PIGL: variants seen among roughly 807,000 people sequenced by gnomAD.
PIGL encodes the protein phosphatidylinositol glycan anchor biosynthesis class L, also known as N-acetylglucosaminyl-phosphatidylinositol de-N-acetylase.
In PIGL, 22 loss-of-function variants were observed where a neutral mutation model predicts 31.1. The ratio of observed to expected loss-of-function variants is 0.71; its 90% confidence interval spans 0.51 to 1.01. The LOEUF is 1.01. Among genes scored for constraint, PIGL ranks in the 50% least tolerant of loss-of-function variants. The pLI is 0.00. For missense variants in PIGL, 302 were observed against 315.9 expected (o/e 0.96, Z 0.33); for synonymous variants, 131 against 117.4 (o/e 1.12, Z -0.75).
At chr17:16,250,559 C>T (rs891770662) in intron 2 of PIGL, among the ~76,000 whole-genome samples, 6 of 152,024 alleles carry the variant, frequency 3.9e-5, no homozygotes, top group Admixed American at 1.3e-4. Flanking sequence ...CATCTCCTAA[C>T]CCAGAAAAAG....
intron 6 of PIGL, among the ~76,000 whole-genome samples, chr17:16,318,994 C>G (rs2093091003): frequency 6.6e-6 from 1 of 151,360 alleles, no homozygotes; most frequent in African/African-American, 2.4e-5. Context: ...TGGCTCATGC[C>G]TGTAATCCCA....
chr17:16,297,924 G>T (rs958365856), intron 2 of PIGL, among the ~76,000 whole-genome samples: 1 of 152,164 alleles, frequency 6.6e-6, no homozygotes, highest in Non-Finnish European at 1.5e-5. Flanking sequence ...GTGAGTGACG[G>T]GCAAGCAAGC....
intron 4 of PIGL, among the ~76,000 whole-genome samples, chr17:16,314,876 T>C (rs943101092): frequency 6.6e-6 from 1 of 152,164 alleles, no homozygotes; most frequent in Non-Finnish European, 1.5e-5. Context: ...AAGACTAGCA[T>C]GGACAGCAAG....
At chr17:16,294,613 T>C (rs1348527779) in intron 2 of PIGL, among the ~76,000 whole-genome samples, 1 of 152,222 alleles carries the variant, frequency 6.6e-6, no homozygotes, top group African/African-American at 2.4e-5. Context: ...AAAGTATCCA[T>C]TGAACACCTG....
intron 2 of PIGL, among the ~76,000 whole-genome samples, chr17:16,257,891 C>A (rs574938194): frequency 3.3e-5 from 5 of 151,904 alleles, no homozygotes; most frequent in African/African-American, 4.8e-5. Context: ...ATGGTGAAAC[C>A]CCATCTCTAC....
rs948470585 is a variant in PIGL at position 16,326,259 on chromosome 17, A to G, written c.*361A>G. 3 of 201,386 alleles carry G rather than the reference A, an allele frequency of 1.5e-5. No homozygotes were observed. Among genetic ancestry groups the G allele is most frequent in the African/African-American group, 6.9e-5 (3 of 43,358 alleles). The allele number at this position is 201,386 out of a possible 1,614,324, so 12.5% of individuals were successfully genotyped here. On this transcript the variant is annotated 3_prime_UTR_variant, in exon 7 of 7. Transcript: ENST00000225609. ...CATAAAAGTGCTCTAAAAACACTCCACAGATGTGACTTTTACATTGTTTCC... is the reference window on the plus strand; with the variant it reads ...CATAAAAGTGCTCTAAAAACACTCCGCAGATGTGACTTTTACATTGTTTCC...
chr17:16,247,253 T>G (rs940280429), intron 2 of PIGL, among the ~76,000 whole-genome samples: 5 of 152,178 alleles, frequency 3.3e-5, no homozygotes, highest in African/African-American at 1.2e-4. Context: ...TTGAGGACAC[T>G]ATTCAGTTCA....
At chr17:16,233,771 G>C (rs1212342621) in intron 1 of PIGL, among the ~76,000 whole-genome samples, 200 bp from the exon 2 acceptor site, 1 of 152,098 alleles carries the variant, frequency 6.6e-6, no homozygotes, top group East Asian at 1.9e-4. Flanking sequence ...ATTGTGAATG[G>C]TGATTCTAAA....
chr17:16,241,232 A>G (rs1462761513), intron 2 of PIGL, among the ~76,000 whole-genome samples: 1 of 151,788 alleles, frequency 6.6e-6, no homozygotes, highest in Non-Finnish European at 1.5e-5. Context: ...TAGTTTGCAA[A>G]GGAGGAGAAT....
chr17:16,224,948 G>T (rs1447906994), intron 1 of PIGL, among the ~76,000 whole-genome samples: 2 of 152,196 alleles, frequency 1.3e-5, no homozygotes, highest in African/African-American at 4.8e-5. Flanking sequence ...GAGCCACAGT[G>T]CGTGGCCCTT....
At position 16,258,115 on chromosome 17, in the gene PIGL, GAGAGAGAGAA is replaced by G. The variant is rs1347897273; in HGVS notation, c.335+24055_335+24064del. ...AGAGAGAGAGAGAAAGAGAGAGAGA[GAGAGAGAGAA>G]AGAGAGAGAGAGAAAGAGAGAGAGA... On this transcript the variant is annotated intron_variant, in intron 2 of 6. Transcript: ENST00000225609. Among the ~76,000 whole-genome samples the G allele has an allele frequency of 1.9e-4, 25 of 131,668 alleles. 1 individual carries two copies. In the East Asian group the frequency reaches 3.0e-3, roughly 16 times the overall value. 86.4% of individuals were successfully genotyped at this position (131,668 alleles called of 152,430 possible). A position where few individuals can be genotyped will look rare whatever the true frequency, so the allele number is the denominator to read the frequency against.
intron 2 of PIGL, among the ~76,000 whole-genome samples, chr17:16,255,549 G>A (rs144858945): frequency 6.6e-6 from 1 of 152,116 alleles, no homozygotes; most frequent in Non-Finnish European, 1.5e-5. Context: ...CATGCAAATC[G>A]TAACAGGGAA....
chr17:16,274,451 G>A (rs148937700), intron 2 of PIGL, among the ~76,000 whole-genome samples: 19 of 152,224 alleles, frequency 1.2e-4, no homozygotes, highest in African/African-American at 3.9e-4. Flanking sequence ...GGCCGGGTGC[G>A]GTGACTCACA....
intron 2 of PIGL, 89 bp from the exon 3 acceptor site, chr17:16,299,799 T>A (rs2092996637): frequency 2.3e-6 from 2 of 884,908 alleles, no homozygotes; most frequent in African/African-American, 3.3e-5. Context: ...AATGTAACTA[T>A]CATAAAACTG....
At chr17:16,235,377 G>C (rs2092695210) in intron 2 of PIGL, among the ~76,000 whole-genome samples, 1 of 146,884 alleles carries the variant, frequency 6.8e-6, no homozygotes, top group Admixed American at 6.8e-5. Flanking sequence ...GAATTATGTT[G>C]TCATACAGAA....
chr17:16,240,170 C>G (rs1046082411), intron 2 of PIGL, among the ~76,000 whole-genome samples: 5 of 152,072 alleles, frequency 3.3e-5, no homozygotes, highest in African/African-American at 1.2e-4. Context: ...AGTACTTCCT[C>G]CCTCTCTCTC....
chr17:16,321,354 C>T (rs1019732500), intron 6 of PIGL, among the ~76,000 whole-genome samples: 1 of 151,144 alleles, frequency 6.6e-6, no homozygotes, highest in Non-Finnish European at 1.5e-5. Flanking sequence ...GATTTTTCTG[C>T]ATCACACTCC....
intron 2 of PIGL, among the ~76,000 whole-genome samples, chr17:16,240,826 A>T (rs1489903082): frequency 6.6e-6 from 1 of 151,066 alleles, no homozygotes; most frequent in Non-Finnish European, 1.5e-5. Context: ...AGGTAGAAAT[A>T]GGCCGGGCAT....
intron 4 of PIGL, among the ~76,000 whole-genome samples, chr17:16,315,658 T>C (rs2093072184): frequency 6.6e-6 from 1 of 150,670 alleles, no homozygotes; most frequent in African/African-American, 2.4e-5. Context: ...ATTCTCAGGA[T>C]CCCAGAAAGT....
Sources: gnomAD v4.1 joint callset for allele counts (sites outside exome capture counted in the v4.1 genomes callset) on GRCh38, gnomAD v4.1.1 for gene constraint, MANE v1.5 for transcripts, NCBI Gene and HGNC (gene_info 2026-07-23, HGNC 2026-07-21) for gene names.